Variants in SUCO observed in about 807,000 individuals in gnomAD.
SUCO encodes SUN domain-containing ossification factor.
A neutral mutation model predicts 148.1 loss-of-function variants in SUCO; 57 were observed. The ratio of observed to expected loss-of-function variants is 0.38; its 90% CI spans 0.31 to 0.48. SUCO has a LOEUF of 0.48. Among genes scored for constraint, SUCO ranks in the 20% least tolerant of loss-of-function variants. The probability of loss-of-function intolerance (pLI) is 0.96; values close to 1 mark genes in which losing one functional copy is unlikely to be tolerated. For synonymous variants in SUCO, 470 were observed against 502.7 expected (o/e 0.93, Z 0.87); for missense variants, 1,331 against 1,468.2 (o/e 0.91, Z 1.53).
chr1:172,571,106 C>A (rs575300580), intron 9 of SUCO, among the ~76,000 whole-genome samples: 2 of 152,346 alleles, frequency 1.3e-5, no homozygotes, highest in Admixed American at 6.5e-5. Context: ...TATTCAGGAA[C>A]TGTAAGAATA....
At chr1:172,549,822 A>G (rs1653144468) in intron 1 of SUCO, among the ~76,000 whole-genome samples, 1 of 151,896 alleles carries the variant, frequency 6.6e-6, no homozygotes, top group African/African-American at 2.4e-5. Context: ...TAGAAGTATT[A>G]AAGATCGTAG....
At position 172,589,915 on chromosome 1, in the gene SUCO, G is replaced by A. The variant is rs748612653; in HGVS notation, c.2814G>A (p.Glu938=). Residue 938 remains glutamate, a synonymous_variant, in exon 18 of 24, where the codon GAG becomes GAA. Coordinates refer to ENST00000263688, the MANE Select transcript of SUCO (RefSeq NM_014283.5). ...NMSLSGRYLE[E]LSQRYRKQME... ...CTCTCAGTGGTCGCTATCTGGAGGAGCTTAGCCAAAGGTAAGCTTTATTAT... is the reference window on the plus strand; with the variant it reads ...CTCTCAGTGGTCGCTATCTGGAGGAACTTAGCCAAAGGTAAGCTTTATTAT... The A allele has an allele frequency of 1.1e-5, 16 of 1,517,930 alleles. No homozygotes were observed. The African/African-American group carries it at 2.3e-4, about 21-fold the overall frequency. The allele number at this position is 1,517,930 out of a possible 1,614,324, so 94.0% of individuals were successfully genotyped here.
rs530487523 is a variant in SUCO, at chr1:172,553,259, G to A, written c.178-1G>A. ...TGATTTTTGTTGTTGTTGTTATATA[G>A]GATGAAAGAGAGGGACCTATCAATG... On this transcript the variant is annotated splice_acceptor_variant, in intron 2 of 23. Transcript: ENST00000263688. LOFTEE classifies it high-confidence loss of function. 2.3e-4 allele frequency: 371 copies of A among 1,579,282 alleles called. 2 individuals are homozygous for A. In the South Asian group the frequency reaches 4.1e-3, roughly 17 times the overall value.
intron 17 of SUCO, among the ~76,000 whole-genome samples, chr1:172,587,389 CTT>C (rs967566442): frequency 3.3e-5 from 5 of 151,918 alleles, no homozygotes; most frequent in Admixed American, 3.3e-4. Context: ...TGAGAAAAAA[CTT>C]TTAAAGTATA....
At chr1:172,590,124 A>G (rs1656534925) in intron 18 of SUCO, among the ~76,000 whole-genome samples, 198 bp downstream of exon 18, 1 of 152,134 alleles carries the variant, frequency 6.6e-6, no homozygotes, top group African/African-American at 2.4e-5. Flanking sequence ...TTTTAATTTT[A>G]AAAGTACTTT....
At chr1:172,571,243 T>G (rs1428164405) in intron 9 of SUCO, among the ~76,000 whole-genome samples, 2 of 152,224 alleles carry the variant, frequency 1.3e-5, no homozygotes, top group Non-Finnish European at 2.9e-5. Flanking sequence ...ATTTTTTTGG[T>G]GGAGACGGGG....
rs1283528053 is a variant in SUCO, at chr1:172,557,374, A to G, written c.538A>G (p.Ser180Gly). Residue 180 changes from serine (S) to glycine (G), a missense_variant, in exon 5 of 24, where the codon AGT (serine) becomes GGT (glycine). By Grantham distance (56) the Ser-to-Gly change is moderately conservative. Coordinates refer to ENST00000263688, the MANE Select transcript of SUCO (RefSeq NM_014283.5). The part of the protein sequence containing the change: ...DCDVGEALDA[S>G]APIEQPSFVS... ...TGATGTTGGTGAGGCCCTTGATGCT[A>G]GTGCTCCAATTGAACAACCTTCCTT... 2 of 1,613,922 alleles carry G rather than the reference A, an allele frequency of 1.2e-6. No homozygotes were observed. The highest frequency in any genetic ancestry group is 1.7e-5 in the Admixed American group (1 of 59,996).
intron 1 of SUCO, among the ~76,000 whole-genome samples, chr1:172,545,319 G>C (rs1467149247): frequency 6.6e-6 from 1 of 152,164 alleles, no homozygotes. Flanking sequence ...GAAAAGATAA[G>C]GGCTGAAGAT....
chr1:172,573,842 A>T (rs1655225736), intron 9 of SUCO, 49 bp from the exon 10 acceptor site: 1 of 1,015,330 alleles, frequency 9.8e-7, no homozygotes, highest in African/African-American at 1.6e-5. Context: ...ATTTAATATG[A>T]ACTGTTATTT....
rs940092148 is a variant in SUCO, at chr1:172,564,051, C to T, written c.733-4968C>T. Among the ~76,000 whole-genome samples the T allele has an allele frequency of 3.3e-5, 5 of 152,276 alleles. No homozygotes were observed. In the South Asian group the frequency reaches 8.3e-4, roughly 25 times the overall value. On this transcript the variant is annotated intron_variant, in intron 6 of 23. Transcript: ENST00000263688. Reference sequence around the variant, plus strand: ...CCGTGTGATATTGGGCCTATGAGTGCAAAAAGGGCAGGAGTTGAGGTTTGG... The same window carrying T: ...CCGTGTGATATTGGGCCTATGAGTGTAAAAAGGGCAGGAGTTGAGGTTTGG...
intron 1 of SUCO, among the ~76,000 whole-genome samples, chr1:172,534,086 G>A (rs1651834461): frequency 6.6e-6 from 1 of 152,166 alleles, no homozygotes; most frequent in Admixed American, 6.5e-5. Context: ...TTGGTTTGGT[G>A]GAGAGGGTGT....
chr1:172,538,132 A>C (rs1016430428), intron 1 of SUCO, among the ~76,000 whole-genome samples: 5 of 150,632 alleles, frequency 3.3e-5, no homozygotes, highest in Non-Finnish European at 7.5e-5. Flanking sequence ...GAACAGGAGC[A>C]TGAGGTCACA....
chr1:172,565,206 A>T (rs1484914721), intron 6 of SUCO, among the ~76,000 whole-genome samples: 1 of 152,128 alleles, frequency 6.6e-6, no homozygotes, highest in African/African-American at 2.4e-5. Flanking sequence ...TGGAGAACCT[A>T]CCTGGTAGTG....
chr1:172,609,562 A>G, intron 23 of SUCO: 1 of 984,558 alleles, frequency 1.0e-6, no homozygotes, highest in Non-Finnish European at 1.2e-6. Flanking sequence ...AGATATTAGT[A>G]TCACTCCCTA....
intron 9 of SUCO, among the ~76,000 whole-genome samples, chr1:172,571,502 GTC>G (rs1408286109): frequency 4.0e-5 from 6 of 151,192 alleles, no homozygotes; most frequent in South Asian, 2.1e-4. Context: ...AGTGAGGAGA[GTC>G]TCTGCCTGGC....
chr1:172,583,235 G>T lies in SUCO; in HGVS notation c.1499-1783G>T, dbSNP rs151043196. On this transcript the variant is annotated intron_variant, in intron 15 of 23. Transcript: ENST00000263688. ...GTTTCCATTTTTGTTATCTCATACC[G>T]CAGCATCTCTTTAGCTTAAGTAAGA... is the stretch of plus-strand genomic sequence containing the variant. 7.9e-5 allele frequency among the ~76,000 whole-genome samples: 12 copies of T among 152,178 alleles called. 1 individual carries two copies. The East Asian group carries it at 1.5e-3, about 20-fold the overall frequency.
At chr1:172,538,708 A>C (rs1358606918) in intron 1 of SUCO, among the ~76,000 whole-genome samples, 1 of 152,210 alleles carries the variant, frequency 6.6e-6, no homozygotes, top group Non-Finnish European at 1.5e-5. Context: ...CTTTACAAAA[A>C]TGATTTTTTT....
chr1:172,537,047 C>G (rs996151073), intron 1 of SUCO, among the ~76,000 whole-genome samples: 1 of 151,942 alleles, frequency 6.6e-6, no homozygotes, highest in Non-Finnish European at 1.5e-5. Flanking sequence ...TTGAGGGGGG[C>G]GCATTATTCA....
At chr1:172,570,237 T>C in intron 8 of SUCO, 66 bp downstream of exon 8, 1 of 932,200 alleles carries the variant, frequency 1.1e-6, no homozygotes, top group Admixed American at 2.5e-5. Context: ...TACAGGTTAT[T>C]TGTTTACTGG....
Sources: gnomAD v4.1 joint callset for allele counts (sites outside exome capture counted in the v4.1 genomes callset) on GRCh38, gnomAD v4.1.1 for gene constraint, MANE v1.5 for transcripts, NCBI Gene and HGNC (gene_info 2026-07-23, HGNC 2026-07-21) for gene names.